Variants in SMARCB1 observed in about 807,000 individuals in gnomAD.
The protein encoded by SMARCB1 is SWI/SNF related BAF chromatin remodeling complex subunit B1.
In SMARCB1, 5 loss-of-function variants were observed where a neutral mutation model predicts 49.0. The ratio of observed to expected loss-of-function variants is 0.10; its 90% CI spans 0.05 to 0.21. The LOEUF is 0.21. Ranked by LOEUF, SMARCB1 falls within the 10% of genes least tolerant of loss-of-function variation. SMARCB1 has a pLI of 1.00. For missense variants in SMARCB1, 226 were observed against 509.2 expected (o/e 0.44, Z 5.35); for synonymous variants, 201 against 200.1 (o/e 1.00, Z -0.04).
chr22:23,812,801 T>C (rs1209813181), intron 5 of SMARCB1, among the ~76,000 whole-genome samples: 1 of 150,776 alleles, frequency 6.6e-6, no homozygotes, highest in Non-Finnish European at 1.5e-5. Context: ...CTCAGAAAAA[T>C]AATAGCAGGA....
rs749765106 is a variant in SMARCB1 at position 23,834,230 on chromosome 22, G to T, written c.*50G>T. 22 of 1,537,044 alleles carry T rather than the reference G, an allele frequency of 1.4e-5. No individual in the cohort carries two copies. Among genetic ancestry groups the T allele is most frequent in the Non-Finnish European group, 1.3e-5 (15 of 1,132,796 alleles). Reference sequence around the variant, plus strand: ...ACGGAGCATCTCAGAAGATTGGGCCGCCTCTCCTCCATCTTCTGGCAAGGA... The same window carrying T: ...ACGGAGCATCTCAGAAGATTGGGCCTCCTCTCCTCCATCTTCTGGCAAGGA... On this transcript the variant is annotated 3_prime_UTR_variant, in exon 9 of 9. Coordinates refer to ENST00000644036, the MANE Select transcript of SMARCB1 (RefSeq NM_003073.5).
chr22:23,812,952 C>T lies in SMARCB1; in HGVS notation c.629-3818C>T, dbSNP rs1306316576. 6.0e-5 allele frequency among the ~76,000 whole-genome samples: 9 copies of T among 151,180 alleles called. No individual in the cohort carries two copies. The Admixed American group carries it at 6.0e-4, about 10-fold the overall frequency. On this transcript the variant is annotated intron_variant, in intron 5 of 8. Transcript: ENST00000644036. ...TGATCTCAGCTCACTGCAAACTCTG[C>T]CTCCTGGATTCACACCATTCTCCTG...
In SMARCB1 at chr22:23,836,715, G is replaced by C. The variant is rs762241597; in HGVS notation, c.*2535G>C. 5.2e-6 allele frequency: 7 copies of C among 1,343,042 alleles called. No homozygotes were observed. The highest frequency in any genetic ancestry group is 5.7e-6 in the Non-Finnish European group (6 of 1,053,988). The allele number at this position is 1,343,042 out of a possible 1,614,324, so 83.2% of individuals were successfully genotyped here. On this transcript the variant is annotated 3_prime_UTR_variant, in exon 9 of 9. Coordinates refer to ENST00000644036, the MANE Select transcript of SMARCB1 (RefSeq NM_003073.5). ...GTGGCCAGGTGAGATGGGGAAGCCA[G>C]TGCTGTGGGCCAAGAGACTGCAGCT...
rs538997911 is a variant in SMARCB1, at chr22:23,790,105, C to G, written c.94-1651C>G. ...GGGTGAAGGCTGGTTCAGAGGAAAG[C>G]CAGGAAGGCAAGCCCAGTTTCCTAA... On this transcript the variant is annotated intron_variant, in intron 1 of 8. Coordinates refer to ENST00000644036, the MANE Select transcript of SMARCB1 (RefSeq NM_003073.5). 4.6e-5 allele frequency among the ~76,000 whole-genome samples: 7 copies of G among 152,222 alleles called. No individual in the cohort carries two copies. In the East Asian group the frequency reaches 1.3e-3, roughly 29 times the overall value.
At chr22:23,800,025 C>T (rs946894592) in intron 3 of SMARCB1, among the ~76,000 whole-genome samples, 5 of 152,100 alleles carry the variant, frequency 3.3e-5, no homozygotes, top group Admixed American at 3.3e-4. Context: ...GACAGGGTTT[C>T]ACCATGTTGG....
chr22:23,796,219 A>C (rs1444102743), intron 3 of SMARCB1, among the ~76,000 whole-genome samples: 1 of 152,176 alleles, frequency 6.6e-6, no homozygotes, highest in South Asian at 2.1e-4. Context: ...TAAACCCACT[A>C]TATGTACAGA....
At position 23,795,393 on chromosome 22, in the gene SMARCB1, C is replaced by T. The variant is rs925896508; in HGVS notation, c.362+1705C>T. Among the ~76,000 whole-genome samples the T allele has an allele frequency of 5.9e-5, 9 of 152,212 alleles. No individual in the cohort carries two copies. In the South Asian group the frequency reaches 1.5e-3, roughly 25 times the overall value. On this transcript the variant is annotated intron_variant, in intron 3 of 8. Transcript: ENST00000644036. ...AAAACAGGCCGGGCACGGTGGCTCA[C>T]GCCTGTAATCCCAGCACTTTGGGAG...
chr22:23,834,377 A>ACC lies in SMARCB1; in HGVS notation c.*199_*200dup. 6 of 295,848 alleles carry ACC rather than the reference A, an allele frequency of 2.0e-5. No individual in the cohort carries two copies. Among genetic ancestry groups the ACC allele is most frequent in the South Asian group, 1.5e-4 (4 of 27,130 alleles). The allele number at this position is 295,848 out of a possible 1,614,324, so 18.3% of individuals were successfully genotyped here. Reference sequence around the variant, plus strand: ...GAGCCCCAGTCCTGCCCCCCACCCCACCCTCCCTACCCCTCCCCAGTCTCT... The same window carrying ACC: ...GAGCCCCAGTCCTGCCCCCCACCCCACCCCCTCCCTACCCCTCCCCAGTCTCT... On this transcript the variant is annotated 3_prime_UTR_variant, in exon 9 of 9. Transcript: ENST00000644036.
intron 7 of SMARCB1, among the ~76,000 whole-genome samples, chr22:23,828,332 T>C (rs915244200): frequency 6.8e-6 from 1 of 147,274 alleles, no homozygotes; most frequent in East Asian, 2.3e-4. Flanking sequence ...ATTACAGGCG[T>C]GAGCCACCGC....
At chr22:23,831,470 A>T (rs936123133) in intron 7 of SMARCB1, among the ~76,000 whole-genome samples, 12 of 152,130 alleles carry the variant, frequency 7.9e-5, no homozygotes, top group Admixed American at 7.2e-4. Flanking sequence ...CCTGGAAGGA[A>T]TGGGGAGCAG....
rs970185705 is a variant in SMARCB1, at chr22:23,836,768, C to G, written c.*2588C>G. On this transcript the variant is annotated 3_prime_UTR_variant, in exon 9 of 9. Transcript: ENST00000644036. ...TTCTGTTTATTCAGGTGGGCCCTTG[C>G]ATGGGCCCAGCCTTTAGGATGGGTT... 24 of 1,395,730 alleles carry G rather than the reference C, an allele frequency of 1.7e-5. No homozygotes were observed. Among genetic ancestry groups the G allele is most frequent in the Non-Finnish European group, 2.2e-5 (24 of 1,076,710 alleles). The allele number at this position is 1,395,730 out of a possible 1,614,324, so 86.5% of individuals were successfully genotyped here.
chr22:23,809,432 A>G (rs1260467607), intron 5 of SMARCB1, among the ~76,000 whole-genome samples: 1 of 151,696 alleles, frequency 6.6e-6, no homozygotes, highest in African/African-American at 2.4e-5. Context: ...ATGTGCCACC[A>G]TACCCGGTTA....
intron 6 of SMARCB1, among the ~76,000 whole-genome samples, chr22:23,819,009 C>T (rs1430116684): frequency 2.0e-5 from 3 of 151,996 alleles, no homozygotes; most frequent in East Asian, 1.9e-4. Flanking sequence ...CCACCACACC[C>T]GACTGATTTT....
At chr22:23,803,865 G>GATAC in intron 5 of SMARCB1, 3 of 275,032 alleles carry the variant, frequency 1.1e-5, no homozygotes, top group South Asian at 4.0e-5. Flanking sequence ...TGTAAGTCCT[G>GATAC]GGTCAGATGC....
chr22:23,804,654 G>T (rs1459080666), intron 5 of SMARCB1, among the ~76,000 whole-genome samples: 1 of 151,980 alleles, frequency 6.6e-6, no homozygotes, highest in African/African-American at 2.4e-5. Flanking sequence ...AGCGATTCTC[G>T]TGCCTCAGCC....
chr22:23,815,106 CA>C (rs1487176774), intron 5 of SMARCB1: 1 of 152,070 alleles, frequency 6.6e-6, no homozygotes, highest in Non-Finnish European at 1.5e-5. Flanking sequence ...ACTGTTATTC[CA>C]CATCTTTAAA....
chr22:23,822,322 A>G (rs2267037), intron 6 of SMARCB1, among the ~76,000 whole-genome samples: 139,610 of 152,224 alleles, frequency 0.92, 64,171 homozygotes, highest in Middle Eastern at 0.96. Context: ...GGCCCCGTCC[A>G]GAGAGTGCAT....
At chr22:23,829,993 A>G (rs1375626191) in intron 7 of SMARCB1, among the ~76,000 whole-genome samples, 2 of 152,196 alleles carry the variant, frequency 1.3e-5, no homozygotes, top group East Asian at 1.9e-4. Context: ...TCAGGACTTC[A>G]TTCTTTTTTA....
At chr22:23,828,089 G>A (rs1251629866) in intron 7 of SMARCB1, among the ~76,000 whole-genome samples, 1 of 152,136 alleles carries the variant, frequency 6.6e-6, no homozygotes, top group Non-Finnish European at 1.5e-5. Context: ...GTCTCGCTCT[G>A]TCGCCCAGGC....
Sources: gnomAD v4.1 joint callset for allele counts (sites outside exome capture counted in the v4.1 genomes callset) on GRCh38, gnomAD v4.1.1 for gene constraint, MANE v1.5 for transcripts, NCBI Gene and HGNC (gene_info 2026-07-23, HGNC 2026-07-21) for gene names.